Variants in INPP4A observed in about 807,000 individuals in gnomAD.
The protein encoded by INPP4A is inositol polyphosphate-4-phosphatase, type I, 107kD.
INPP4A carries 33 observed loss-of-function variants against 119.8 expected under a neutral mutation model. The ratio of observed to expected loss-of-function variants is 0.28; its 90% CI spans 0.21 to 0.37. INPP4A has a LOEUF of 0.37. INPP4A is among the 10% of genes least tolerant of loss of function. INPP4A has a pLI of 1.00. For synonymous variants in INPP4A, 496 were observed against 500.7 expected (o/e 0.99, Z 0.12); for missense variants, 956 against 1,289.9 (o/e 0.74, Z 3.97).
intron 1 of INPP4A, among the ~76,000 whole-genome samples, chr2:98,455,119 T>G (rs1347099929): frequency 6.6e-6 from 1 of 152,054 alleles, no homozygotes; most frequent in Non-Finnish European, 1.5e-5. Flanking sequence ...CAGGAGGATC[T>G]CTTGAGCCCA....
At chr2:98,487,700 TC>T (rs1369602149) in intron 1 of INPP4A, among the ~76,000 whole-genome samples, 1 of 152,244 alleles carries the variant, frequency 6.6e-6, no homozygotes, top group Admixed American at 6.5e-5. Flanking sequence ...TGGATGGTCT[TC>T]CATATGTCTG....
At chr2:98,532,802 C>T (rs1395489205) in intron 4 of INPP4A, among the ~76,000 whole-genome samples, 2 of 152,152 alleles carry the variant, frequency 1.3e-5, no homozygotes, top group Admixed American at 1.3e-4. Flanking sequence ...ATCTGTGAGA[C>T]CATTGTCATA....
chr2:98,532,875 G>C (rs1359980041), intron 4 of INPP4A, among the ~76,000 whole-genome samples: 1 of 152,030 alleles, frequency 6.6e-6, no homozygotes, highest in Non-Finnish European at 1.5e-5. Flanking sequence ...AAAGAGCTTT[G>C]TTTACTTTGC....
intron 4 of INPP4A, among the ~76,000 whole-genome samples, chr2:98,529,757 C>T (rs1688856773): frequency 6.6e-6 from 1 of 151,824 alleles, no homozygotes; most frequent in Non-Finnish European, 1.5e-5. Flanking sequence ...CAAAAAAAGA[C>T]AAAAAATACA....
In INPP4A at chr2:98,554,392, A is replaced by G. The variant is rs1559065236; in HGVS notation, c.1469A>G (p.Gln490Arg). ...TCTCCCACTTCGACTGAGGAGGAGC[A>G]GGTGATGCTTAGAAATGACCAGGAC... ...KASPTSTEEE[Q>R]VMLRNDQDTL... Residue 490 changes from glutamine (Q) to arginine (R), a missense_variant, in exon 15 of 25, where the codon CAG becomes CGG. Gln to Arg is a conservative substitution (Grantham distance 43). This residue lies in a region of INPP4A where 652 missense variants were observed against 797.9 expected (regional missense o/e 0.82). Transcript: ENST00000409851. This position sits in a 1 kb window ranked among gnomAD's most constrained non-coding sequence, Gnocchi z 4.7. 11 of 1,613,888 alleles carry G rather than the reference A, an allele frequency of 6.8e-6. No homozygotes were observed. Among genetic ancestry groups the G allele is most frequent in the Non-Finnish European group, 9.3e-6 (11 of 1,179,830 alleles).
At chr2:98,578,634 C>T (rs996346344) in intron 24 of INPP4A, among the ~76,000 whole-genome samples, 7 of 152,376 alleles carry the variant, frequency 4.6e-5, no homozygotes, top group African/African-American at 1.7e-4. Flanking sequence ...GGGCCCCATC[C>T]GCCTGCCCCT....
intron 24 of INPP4A, among the ~76,000 whole-genome samples, chr2:98,587,004 G>A (rs1700024974): frequency 6.6e-6 from 1 of 152,236 alleles, no homozygotes; most frequent in Admixed American, 6.5e-5. Context: ...AATTCTGCAA[G>A]GAAAGTCAGC....
intron 1 of INPP4A, among the ~76,000 whole-genome samples, chr2:98,496,921 T>C (rs998384172): frequency 5.3e-5 from 8 of 152,218 alleles, no homozygotes; most frequent in Non-Finnish European, 4.4e-5. Context: ...TTTCCCTCTC[T>C]GACACTGGGT....
At chr2:98,473,645 C>T (rs1334874095) in intron 1 of INPP4A, among the ~76,000 whole-genome samples, 1 of 152,030 alleles carries the variant, frequency 6.6e-6, no homozygotes, top group Non-Finnish European at 1.5e-5. Context: ...AGTGAGTGAC[C>T]TCACCCGGGC....
intron 1 of INPP4A, among the ~76,000 whole-genome samples, chr2:98,516,275 C>G (rs1686110343): frequency 6.6e-6 from 1 of 152,130 alleles, no homozygotes; most frequent in Non-Finnish European, 1.5e-5. Flanking sequence ...TTAAATGTCC[C>G]CAAATAACTA....
chr2:98,451,971 C>T (rs1695311187), intron 1 of INPP4A, among the ~76,000 whole-genome samples: 1 of 152,146 alleles, frequency 6.6e-6, no homozygotes, highest in South Asian at 2.1e-4. Flanking sequence ...CTGGAGTCTC[C>T]ATCAGCATGT....
chr2:98,570,635 A>C lies in INPP4A; in HGVS notation c.2518+1967A>C, dbSNP rs1366931519. Among the ~76,000 whole-genome samples, 3 of 152,130 alleles carry C rather than the reference A, an allele frequency of 2.0e-5. No homozygotes were observed. The highest frequency in any genetic ancestry group is 1.3e-4 in the Admixed American group (2 of 15,278). On this transcript the variant is annotated intron_variant, in intron 22 of 24. Transcript: ENST00000409851. This position sits in a 1 kb window ranked among gnomAD's most constrained non-coding sequence, Gnocchi z 4.3. Reference sequence around the variant, plus strand: ...GGCCATGGGAGTGCTCAAAGGTCCGAGGGAAGGAGAACACACAGGGCTGGA... The same window carrying C: ...GGCCATGGGAGTGCTCAAAGGTCCGCGGGAAGGAGAACACACAGGGCTGGA...
At chr2:98,539,066 C>T (rs527398366) in intron 9 of INPP4A, 85 bp downstream of exon 9, 10 of 694,668 alleles carry the variant, frequency 1.4e-5, no homozygotes, top group African/African-American at 8.9e-5. Context: ...CCACCTGCTG[C>T]GATTGTCCCA....
Position 98,479,790 on chromosome 2 carries a change from C to T in INPP4A, c.-166+34705C>T, listed in dbSNP as rs146477756. Among the ~76,000 whole-genome samples, 31 of 152,344 alleles carry T rather than the reference C, an allele frequency of 2.0e-4. No individual in the cohort carries two copies. In the East Asian group the frequency reaches 5.2e-3, roughly 26 times the overall value. On this transcript the variant is annotated intron_variant, in intron 1 of 24. Coordinates refer to ENST00000409851, the MANE Select transcript of INPP4A (RefSeq NM_001134225.2). ...TCCTTTGTCCCTGTTTGACCAACTTCGATTGAGCTGGAGCCCTTTGTGCCT... is the reference window on the plus strand; with the variant it reads ...TCCTTTGTCCCTGTTTGACCAACTTTGATTGAGCTGGAGCCCTTTGTGCCT...
chr2:98,510,435 C>T (rs533236531), intron 1 of INPP4A, among the ~76,000 whole-genome samples: 1 of 152,208 alleles, frequency 6.6e-6, no homozygotes, highest in Non-Finnish European at 1.5e-5. Flanking sequence ...GTATCTCAGT[C>T]AGTTCAGGCT....
intron 1 of INPP4A, among the ~76,000 whole-genome samples, chr2:98,506,941 T>A (rs1684173128): frequency 6.6e-6 from 1 of 152,234 alleles, no homozygotes; most frequent in African/African-American, 2.4e-5. Context: ...CAATCTTGAT[T>A]TCATTCAGAG....
chr2:98,469,895 C>T (rs1675632507), intron 1 of INPP4A, among the ~76,000 whole-genome samples: 1 of 152,202 alleles, frequency 6.6e-6, no homozygotes, highest in Non-Finnish European at 1.5e-5. Flanking sequence ...TTGAGCCAGT[C>T]TCTTAGATGC....
intron 13 of INPP4A, among the ~76,000 whole-genome samples, chr2:98,552,201 C>T (rs562444938): frequency 2.0e-5 from 3 of 152,166 alleles, no homozygotes; most frequent in Non-Finnish European, 2.9e-5. Context: ...AGTCCTGGAG[C>T]GAAGGAAAGG....
At chr2:98,579,124 C>A (rs529556933) in intron 24 of INPP4A, among the ~76,000 whole-genome samples, 7 of 150,924 alleles carry the variant, frequency 4.6e-5, no homozygotes, top group Non-Finnish European at 7.4e-5. Context: ...GCAGTCTTGG[C>A]TCACTGCATC....
Sources: allele counts gnomAD v4.1 joint callset (sites outside exome capture counted in the v4.1 genomes callset), GRCh38; gene constraint gnomAD v4.1.1; regional missense constraint gnomAD v4.1.1; non-coding constraint Gnocchi (gnomAD v3.1); transcripts MANE v1.5; gene names NCBI Gene and HGNC (gene_info 2026-07-23, HGNC 2026-07-21).